ST18: variants seen among roughly 807,000 people sequenced by gnomAD.
ST18 encodes suppression of tumorigenicity 18 protein.
Under a neutral mutation model 110.0 loss-of-function variants are expected in ST18, and 50 were observed. The ratio of observed to expected loss-of-function variants is 0.45; its 90% confidence interval spans 0.36 to 0.58. The LOEUF is 0.58. Among genes scored for constraint, ST18 ranks in the 20% least tolerant of loss-of-function variants. The probability of loss-of-function intolerance (pLI) is 0.00; values close to 1 mark genes in which losing one functional copy is unlikely to be tolerated. For missense variants in ST18, 1,306 were observed against 1,280.1 expected (o/e 1.02, Z -0.31); for synonymous variants, 461 against 452.4 (o/e 1.02, Z -0.24).
intron 2 of ST18, among the ~76,000 whole-genome samples, chr8:52,351,655 C>T (rs1455963308): frequency 2.0e-5 from 3 of 152,178 alleles, no homozygotes; most frequent in African/African-American, 7.2e-5. Flanking sequence ...TATACCAGCT[C>T]AAGTGGGAGA....
At chr8:52,118,726 T>C (rs1035757) in intron 23 of ST18, among the ~76,000 whole-genome samples, 5,940 of 152,152 alleles carry the variant, frequency 0.039, 365 homozygotes, top group African/African-American at 0.14. Context: ...AATTACATCT[T>C]ACCACACCCT....
chr8:52,252,174 T>C (rs1162214581), intron 2 of ST18, among the ~76,000 whole-genome samples: 1 of 152,068 alleles, frequency 6.6e-6, no homozygotes, highest in African/African-American at 2.4e-5. Context: ...TTCATTAACA[T>C]TGTGAAAGCT....
chr8:52,166,536 C>A (rs77429462), intron 11 of ST18, among the ~76,000 whole-genome samples: 3 of 152,128 alleles, frequency 2.0e-5, no homozygotes, highest in Non-Finnish European at 4.4e-5. Flanking sequence ...GCCCACTGTC[C>A]GCACTCCCTC....
At chr8:52,307,567 T>C (rs2095835366) in intron 2 of ST18, among the ~76,000 whole-genome samples, 2 of 152,226 alleles carry the variant, frequency 1.3e-5, no homozygotes, top group African/African-American at 2.4e-5. Flanking sequence ...TTTTCTGATT[T>C]ATAAAAGCAA....
chr8:52,281,308 T>G (rs1201628117), intron 2 of ST18, among the ~76,000 whole-genome samples: 3 of 151,980 alleles, frequency 2.0e-5, no homozygotes, highest in African/African-American at 7.2e-5. Context: ...AAAGAAGTGT[T>G]AAGAAACAAA....
At chr8:52,153,479 A>T (rs1364334991) in intron 15 of ST18, among the ~76,000 whole-genome samples, 1 of 152,234 alleles carries the variant, frequency 6.6e-6, no homozygotes, top group East Asian at 1.9e-4. Context: ...TTTTCAAAGT[A>T]GGCAGGGTAT....
At chr8:52,221,977 G>C (rs909000566) in intron 3 of ST18, 184 bp from the exon 4 acceptor site, 1 of 151,222 alleles carries the variant, frequency 6.6e-6, no homozygotes, top group African/African-American at 2.4e-5. Context: ...AGTTCAGAAA[G>C]AGTTCTGAAG....
intron 2 of ST18, among the ~76,000 whole-genome samples, chr8:52,267,624 T>C (rs1263042498): frequency 6.6e-6 from 1 of 152,158 alleles, no homozygotes; most frequent in African/African-American, 2.4e-5. Flanking sequence ...TATATACCTA[T>C]TCTTAGCCAA....
chr8:52,223,633 G>T (rs2087896472), intron 3 of ST18, among the ~76,000 whole-genome samples: 1 of 143,840 alleles, frequency 7.0e-6, no homozygotes, highest in Non-Finnish European at 1.5e-5. Flanking sequence ...AACAGAGTGA[G>T]ACTCTGTCTC....
chr8:52,317,163 T>C (rs569437540), intron 2 of ST18, among the ~76,000 whole-genome samples: 1 of 152,244 alleles, frequency 6.6e-6, no homozygotes, highest in Non-Finnish European at 1.5e-5. Flanking sequence ...ATTCATGTTC[T>C]AATCCCCAGA....
At chr8:52,231,366 G>A (rs1011694585) in intron 2 of ST18, among the ~76,000 whole-genome samples, 2 of 152,092 alleles carry the variant, frequency 1.3e-5, no homozygotes, top group African/African-American at 2.4e-5. Flanking sequence ...CACTTTCCTA[G>A]CTTCCAGAAT....
chr8:52,283,688 G>A (rs2095423507), intron 2 of ST18, among the ~76,000 whole-genome samples: 1 of 152,082 alleles, frequency 6.6e-6, no homozygotes, highest in Admixed American at 6.5e-5. Flanking sequence ...GGCTTTCACA[G>A]GGGCAGTTTC....
chr8:52,356,406 A>G (rs2140377873), intron 2 of ST18, among the ~76,000 whole-genome samples: 1 of 152,334 alleles, frequency 6.6e-6, no homozygotes, highest in African/African-American at 2.4e-5. Flanking sequence ...ATACACACAC[A>G]AAGTCAGACT....
chr8:52,156,135 C>A (rs2059958014), intron 15 of ST18, among the ~76,000 whole-genome samples: 1 of 152,206 alleles, frequency 6.6e-6, no homozygotes. Context: ...CAGAGCCATG[C>A]AAGGCAGGGA....
chr8:52,155,059 G>A (rs915094222), intron 15 of ST18, among the ~76,000 whole-genome samples: 3 of 151,686 alleles, frequency 2.0e-5, no homozygotes, highest in Non-Finnish European at 2.9e-5. Flanking sequence ...AAAATTAGCC[G>A]GGTGTGCTGG....
intron 2 of ST18, among the ~76,000 whole-genome samples, chr8:52,363,827 G>T (rs1826753290): frequency 6.6e-6 from 1 of 151,970 alleles, no homozygotes; most frequent in Non-Finnish European, 1.5e-5. Flanking sequence ...TATAACTTCA[G>T]AACTTTTATA....
intron 2 of ST18, among the ~76,000 whole-genome samples, chr8:52,401,418 T>C (rs950583989): frequency 1.3e-5 from 2 of 152,190 alleles, no homozygotes; most frequent in African/African-American, 4.8e-5. Flanking sequence ...AAGTTTTCCA[T>C]GCCTTTCCCC....
rs575661713 is a variant in ST18, at chr8:52,178,553, G to T, written c.277+1569C>A. On this transcript the variant is annotated intron_variant, in intron 9 of 25. Coordinates refer to ENST00000689386, the MANE Select transcript of ST18 (RefSeq NM_001352837.2). ...AATTGCTTGAACCTGGGAGGTGGAG[G>T]TTGCAGTGAGCTGAGATCCCACCAT... Among the ~76,000 whole-genome samples, 14 of 139,728 alleles carry T rather than the reference G, an allele frequency of 1.0e-4. No individual in the cohort carries two copies. In the South Asian group the frequency reaches 3.2e-3, roughly 32 times the overall value. 91.7% of individuals were successfully genotyped at this position (139,728 alleles called of 152,430 possible). A position where few individuals can be genotyped will look rare whatever the true frequency, so the allele number is the denominator to read the frequency against.
chr8:52,259,792 T>C (rs893618591), intron 2 of ST18, among the ~76,000 whole-genome samples: 1 of 152,186 alleles, frequency 6.6e-6, no homozygotes, highest in Non-Finnish European at 1.5e-5. Flanking sequence ...TCCATGCTCT[T>C]AACCACAAGG....
Sources: allele counts gnomAD v4.1 joint callset (sites outside exome capture counted in the v4.1 genomes callset), GRCh38; gene constraint gnomAD v4.1.1; transcripts MANE v1.5; gene names NCBI Gene and HGNC (gene_info 2026-07-23, HGNC 2026-07-21).